NPL: variants seen among roughly 807,000 people sequenced by gnomAD.
The protein encoded by NPL is N-acetylneuraminate pyruvate lyase.
Under a neutral mutation model 41.1 loss-of-function variants are expected in NPL, and 32 were observed. The observed-to-expected ratio is 0.78, with a 90% CI of 0.59 to 1.05. NPL has a LOEUF of 1.05. Ranked by LOEUF, NPL falls within the 50% of genes least tolerant of loss-of-function variation. NPL has a pLI of 0.00. For missense variants in NPL, 321 were observed against 378.4 expected, an observed-to-expected ratio of 0.85 and a Z score of 1.26; for synonymous variants, 128 against 134.9, an observed-to-expected ratio of 0.95 and a Z score of 0.35.
At chr1:182,791,503 G>C (rs1666514677) in intron 1 of NPL, among the ~76,000 whole-genome samples, 1 of 152,172 alleles carries the variant, frequency 6.6e-6, no homozygotes, top group South Asian at 2.1e-4. Context: ...AAATGCTGGT[G>C]TTACTGGAAG....
chr1:182,827,232 G>A (rs1332872140), intron 12 of NPL, among the ~76,000 whole-genome samples: 1 of 152,144 alleles, frequency 6.6e-6, no homozygotes, highest in African/African-American at 2.4e-5. Flanking sequence ...GAATCTGAAC[G>A]CAATAGCCAG....
intron 3 of NPL, among the ~76,000 whole-genome samples, chr1:182,797,065 C>T (rs557661692): frequency 6.7e-6 from 1 of 149,572 alleles, no homozygotes; most frequent in South Asian, 2.1e-4. Context: ...CTTTCATATT[C>T]TCCAAAGGAA....
At chr1:182,819,616 AAAAAAG>A (rs879527607) in intron 10 of NPL, among the ~76,000 whole-genome samples, 13 of 152,282 alleles carry the variant, frequency 8.5e-5, no homozygotes, top group South Asian at 2.1e-4. Context: ...ATCTCAAAAA[AAAAAAG>A]AAAAAGAAAA....
intron 12 of NPL, chr1:182,826,192 G>A: frequency 3.4e-6 from 1 of 293,158 alleles, no homozygotes; most frequent in East Asian, 7.5e-5. Context: ...AATTGTGAAT[G>A]ACTGACAGCT....
chr1:182,815,450 A>G (rs550151532), intron 7 of NPL, among the ~76,000 whole-genome samples: 1 of 152,194 alleles, frequency 6.6e-6, no homozygotes, highest in Non-Finnish European at 1.5e-5. Flanking sequence ...ATTTGCCTAC[A>G]TGATTAAATA....
intron 5 of NPL, 53 bp downstream of exon 5, chr1:182,806,285 G>A: frequency 6.2e-7 from 1 of 1,611,162 alleles, no homozygotes; most frequent in Admixed American, 1.7e-5. Context: ...TGTATTCAGT[G>A]AGCCTCTTCC....
In NPL at chr1:182,829,361, A is replaced by G. The variant is rs1481789753; in HGVS notation, c.*453A>G. 1.6e-5 allele frequency: 20 copies of G among 1,269,012 alleles called. No homozygotes were observed. The highest frequency in any genetic ancestry group is 1.9e-5 in the Non-Finnish European group (19 of 1,005,332). 78.6% of individuals were successfully genotyped at this position (1,269,012 alleles called of 1,614,324 possible). ...CATTTAGGCAGGCACTTTAATACCA[A>G]ACTGTAACATGTCTCAACTGTATAC... is the stretch of plus-strand genomic sequence containing the variant. On this transcript the variant is annotated 3_prime_UTR_variant, in exon 13 of 13. Transcript: ENST00000367553.
At chr1:182,796,166 C>CAA (rs11419574) in intron 3 of NPL, among the ~76,000 whole-genome samples, 3,263 of 103,152 alleles carry the variant, frequency 0.032, 106 homozygotes, top group African/African-American at 0.054. Flanking sequence ...GGTGTGAAAT[C>CAA]AAAAAAAAAA....
intron 11 of NPL, among the ~76,000 whole-genome samples, chr1:182,825,322 T>C (rs1015947333): frequency 3.3e-5 from 5 of 152,240 alleles, no homozygotes; most frequent in African/African-American, 1.2e-4. Context: ...ATTCTTATGC[T>C]GATCAATTTT....
intron 11 of NPL, among the ~76,000 whole-genome samples, chr1:182,822,595 G>A (rs534232539): frequency 6.6e-6 from 1 of 152,314 alleles, no homozygotes; most frequent in East Asian, 1.9e-4. Flanking sequence ...AACCTAAAAT[G>A]GGGAAGGCTT....
At chr1:182,803,142 C>A (rs1288760547) in intron 3 of NPL, among the ~76,000 whole-genome samples, 1 of 152,176 alleles carries the variant, frequency 6.6e-6, no homozygotes, top group African/African-American at 2.4e-5. Flanking sequence ...TTTCCATCCT[C>A]TGTAATGACT....
chr1:182,812,082 A>G (rs1256428497), intron 5 of NPL, 74 bp from the exon 6 acceptor site: 23 of 1,469,604 alleles, frequency 1.6e-5, no homozygotes, highest in Non-Finnish European at 2.1e-5. Context: ...TAAAATCAGC[A>G]CAAACCAGGA....
At chr1:182,822,752 A>G (rs1326470688) in intron 11 of NPL, among the ~76,000 whole-genome samples, 1 of 152,226 alleles carries the variant, frequency 6.6e-6, no homozygotes, top group Non-Finnish European at 1.5e-5. Flanking sequence ...GCAGAAGCTG[A>G]TATGTTGCAC....
chr1:182,798,233 CT>C (rs58974453), intron 3 of NPL, among the ~76,000 whole-genome samples: 12,721 of 129,922 alleles, frequency 0.098, 520 homozygotes, highest in African/African-American at 0.21. Flanking sequence ...GAAAGACTTG[CT>C]TTTTTTTTTT....
chr1:182,793,417 C>G (rs1666571266), intron 2 of NPL, among the ~76,000 whole-genome samples: 1 of 152,182 alleles, frequency 6.6e-6, no homozygotes, highest in Non-Finnish European at 1.5e-5. Context: ...CAGCAGTGCG[C>G]TACCCATCTG....
intron 3 of NPL, among the ~76,000 whole-genome samples, chr1:182,796,261 C>T (rs1476823224): frequency 6.6e-6 from 1 of 151,108 alleles, no homozygotes; most frequent in African/African-American, 2.4e-5. Flanking sequence ...GCATGTGAGC[C>T]ATGTTAGTTC....
chr1:182,814,096 C>T (rs1667257222), intron 6 of NPL, among the ~76,000 whole-genome samples: 1 of 152,242 alleles, frequency 6.6e-6, no homozygotes, highest in Non-Finnish European at 1.5e-5. Context: ...TGGTTCCTTG[C>T]TATGTGCCCA....
At position 182,830,165 on chromosome 1, in the gene NPL, G is replaced by A; in HGVS notation, c.*1257G>A. On this transcript the variant is annotated 3_prime_UTR_variant, in exon 13 of 13. Transcript: ENST00000367553. ...TTATAAGTAGACTTCAATTATCTTT[G>A]CTAATCCTCTCTTTAATTAGTCAGC... 1 of 152,184 alleles carries A rather than the reference G, an allele frequency of 6.6e-6. No homozygotes were observed. The highest frequency in any genetic ancestry group is 1.9e-4 in the East Asian group (1 of 5,200). 9.4% of individuals were successfully genotyped at this position (152,184 alleles called of 1,614,324 possible).
chr1:182,827,010 A>T (rs1667648352), intron 12 of NPL: 1 of 152,236 alleles, frequency 6.6e-6, no homozygotes, highest in Admixed American at 6.5e-5. Context: ...AATAAAAGTT[A>T]TATAACTATG....
Sources: gnomAD v4.1 joint callset for allele counts (sites outside exome capture counted in the v4.1 genomes callset) on GRCh38, gnomAD v4.1.1 for gene constraint, MANE v1.5 for transcripts, NCBI Gene and HGNC (gene_info 2026-07-23, HGNC 2026-07-21) for gene names.